Variants in NXPH3 observed in about 807,000 individuals in gnomAD.
NXPH3 encodes neurexophilin-3.
In NXPH3, 7 loss-of-function variants were observed where a neutral mutation model predicts 18.8. The ratio of observed to expected loss-of-function variants is 0.37; its 90% CI spans 0.21 to 0.70. The LOEUF is 0.70. NXPH3 is among the 30% of genes least tolerant of loss of function. The pLI, the probability that NXPH3 is intolerant of heterozygous loss-of-function variation, is 0.53. For missense variants in NXPH3, 282 were observed against 338.1 expected (o/e 0.83, Z 1.30); for synonymous variants, 101 against 137.3 (o/e 0.74, Z 1.85).
rs2071599615 is a variant in NXPH3 at position 49,581,421 on chromosome 17, C to A, written c.*2121C>A. The A allele has an allele frequency of 6.7e-6, 4 of 597,908 alleles. No individual in the cohort carries two copies. The South Asian group carries it at 8.0e-5, about 12-fold the overall frequency. 37.0% of individuals were successfully genotyped at this position (597,908 alleles called of 1,614,324 possible). ...GTAAGATGGGCTTGCCACCCCCCACCTTTCGCCCCTGCCCACCAGCGCTCC... is the reference window on the plus strand; with the variant it reads ...GTAAGATGGGCTTGCCACCCCCCACATTTCGCCCCTGCCCACCAGCGCTCC... On this transcript the variant is annotated 3_prime_UTR_variant, in exon 2 of 2. Coordinates refer to ENST00000328741, the MANE Select transcript of NXPH3 (RefSeq NM_007225.4).
Position 49,582,912 on chromosome 17 carries a change from A to G in NXPH3, c.*3612A>G, listed in dbSNP as rs1179853553. ...TGAAGCTTAAGGCAAAAGCAAATGA[A>G]TATCTAGGTCCCTTCCCCCCCTTCC... On this transcript the variant is annotated 3_prime_UTR_variant, in exon 2 of 2. Transcript: ENST00000328741. 2 of 152,324 alleles carry G rather than the reference A, an allele frequency of 1.3e-5. No homozygotes were observed. Among genetic ancestry groups the G allele is most frequent in the Admixed American group, 6.5e-5 (1 of 15,284 alleles). 9.4% of individuals were successfully genotyped at this position (152,324 alleles called of 1,614,324 possible).
chr17:49,578,566 C>A lies in NXPH3; in HGVS notation c.55-30C>A. 2 of 1,500,102 alleles carry A rather than the reference C, an allele frequency of 1.3e-6. No individual in the cohort carries two copies. Among genetic ancestry groups the A allele is most frequent in the Non-Finnish European group, 8.9e-7 (1 of 1,118,868 alleles). 92.9% of individuals were successfully genotyped at this position (1,500,102 alleles called of 1,614,324 possible). ...GGGTGGTGGACCTCCAGGGACAGGGCTCTCACTGTACTCACAACTCCCTCC... is the reference window on the plus strand; with the variant it reads ...GGGTGGTGGACCTCCAGGGACAGGGATCTCACTGTACTCACAACTCCCTCC... On this transcript the variant is annotated intron_variant, in intron 1 of 1. Coordinates refer to ENST00000328741, the MANE Select transcript of NXPH3 (RefSeq NM_007225.4). The surrounding 1 kb of genome is among the most constrained non-coding windows in gnomAD (Gnocchi z 4.5).
rs2071591129 is a variant in NXPH3, at chr17:49,579,834, TGTC to T, written c.*537_*539del. 6.3e-6 allele frequency: 1 copy of T among 157,816 alleles called. No homozygotes were observed. Among genetic ancestry groups the T allele is most frequent in the Non-Finnish European group, 1.4e-5 (1 of 71,346 alleles). The allele number at this position is 157,816 out of a possible 1,614,324, so 9.8% of individuals were successfully genotyped here. A position where few individuals can be genotyped will look rare whatever the true frequency, so the allele number is the denominator to read the frequency against. On this transcript the variant is annotated 3_prime_UTR_variant, in exon 2 of 2. Coordinates refer to ENST00000328741, the MANE Select transcript of NXPH3 (RefSeq NM_007225.4). The surrounding 1 kb of genome is among the most constrained non-coding windows in gnomAD (Gnocchi z 6.0). Reference sequence around the variant, plus strand: ...TGCCTAGTGGGCGCCCTCAGCCCCTTGTCGTGTGCTGAGCATGGCATGAGGCTG... The same window carrying T: ...TGCCTAGTGGGCGCCCTCAGCCCCTTGTGTGCTGAGCATGGCATGAGGCTG...
At chr17:49,576,559 C>T (rs1377832551) in intron 1 of NXPH3, among the ~76,000 whole-genome samples, 1 of 152,056 alleles carries the variant, frequency 6.6e-6, no homozygotes, top group Non-Finnish European at 1.5e-5. Flanking sequence ...GCCAGGGTTA[C>T]CCTACCCCTT....
intron 1 of NXPH3, 79 bp downstream of exon 1, chr17:49,576,352 T>A: frequency 6.8e-7 from 1 of 1,466,088 alleles, no homozygotes; most frequent in Non-Finnish European, 9.3e-7. Context: ...TTGCGAGCCC[T>A]GAAACTTTCT....
chr17:49,580,958 A>G lies in NXPH3; in HGVS notation c.*1658A>G, dbSNP rs1243566949. 1.3e-5 allele frequency: 2 copies of G among 153,026 alleles called. No individual in the cohort carries two copies. The highest frequency in any genetic ancestry group is 2.9e-5 in the Non-Finnish European group (2 of 68,670). 9.5% of individuals were successfully genotyped at this position (153,026 alleles called of 1,614,324 possible). ...TGCTGATGCTGCTGCTCCAGGGCCCATGCTGGGAGACCCACTCAAAGGACC... is the reference window on the plus strand; with the variant it reads ...TGCTGATGCTGCTGCTCCAGGGCCCGTGCTGGGAGACCCACTCAAAGGACC... On this transcript the variant is annotated 3_prime_UTR_variant, in exon 2 of 2. Coordinates refer to ENST00000328741, the MANE Select transcript of NXPH3 (RefSeq NM_007225.4).
At position 49,578,874 on chromosome 17, in the gene NXPH3, G is replaced by A. The variant is rs561646144; in HGVS notation, c.333G>A (p.Thr111=). 9.3e-6 allele frequency: 15 copies of A among 1,614,142 alleles called. No homozygotes were observed. The highest frequency in any genetic ancestry group is 2.7e-5 in the African/African-American group (2 of 75,042). The change falls in exon 2 of 2, where the codon ACG becomes ACA. Residue 111 remains threonine, a synonymous_variant. Transcript: ENST00000328741. The surrounding 1 kb of genome is among the most constrained non-coding windows in gnomAD (Gnocchi z 4.5). ...GWGDFYSNIK[T]VALNLLVTGK... ...GCGACTTCTACTCCAACATCAAGACGGTGGCCCTGAACCTGCTCGTCACAG... is the reference window on the plus strand; with the variant it reads ...GCGACTTCTACTCCAACATCAAGACAGTGGCCCTGAACCTGCTCGTCACAG...
At position 49,578,394 on chromosome 17, in the gene NXPH3, TGG is replaced by T. The variant is rs35525659; in HGVS notation, c.55-192_55-191del. On this transcript the variant is annotated intron_variant, in intron 1 of 1. Coordinates refer to ENST00000328741, the MANE Select transcript of NXPH3 (RefSeq NM_007225.4). The surrounding 1 kb of genome is among the most constrained non-coding windows in gnomAD (Gnocchi z 4.5). ...GGCCAAGACAGTGAGGAAAGGACAATGGGGGGGGGGGTGACCCAACTGTCAGA... is the reference window on the plus strand; with the variant it reads ...GGCCAAGACAGTGAGGAAAGGACAATGGGGGGGGGTGACCCAACTGTCAGA... 4.8e-3 allele frequency among the ~76,000 whole-genome samples: 659 copies of T among 136,490 alleles called. 2 individuals are homozygous for T. Among genetic ancestry groups the T allele is most frequent in the Non-Finnish European group, 6.4e-3 (392 of 61,524 alleles). The allele number at this position is 136,490 out of a possible 152,430, so 89.5% of individuals were successfully genotyped here. A position where few individuals can be genotyped will look rare whatever the true frequency, so the allele number is the denominator to read the frequency against.
In NXPH3 at chr17:49,581,335, G is replaced by C. The variant is rs2071599064; in HGVS notation, c.*2035G>C. On this transcript the variant is annotated 3_prime_UTR_variant, in exon 2 of 2. Coordinates refer to ENST00000328741, the MANE Select transcript of NXPH3 (RefSeq NM_007225.4). Reference sequence around the variant, plus strand: ...GAGGTCATTCTAAGTCGGCTCTCTTGGGAGGGCAGCACTCAGGGCCCTTTG... The same window carrying C: ...GAGGTCATTCTAAGTCGGCTCTCTTCGGAGGGCAGCACTCAGGGCCCTTTG... 1.9e-6 allele frequency: 1 copy of C among 524,640 alleles called. No individual in the cohort carries two copies. The highest frequency in any genetic ancestry group is 1.9e-5 in the African/African-American group (1 of 52,134). The allele number at this position is 524,640 out of a possible 1,614,324, so 32.5% of individuals were successfully genotyped here.
chr17:49,583,534 T>A lies in NXPH3; in HGVS notation c.*4234T>A, dbSNP rs1408705517. On this transcript the variant is annotated 3_prime_UTR_variant, in exon 2 of 2. Coordinates refer to ENST00000328741, the MANE Select transcript of NXPH3 (RefSeq NM_007225.4). ...CTGACCTGATAATTCAAGTGAAGGATGCCTAGTTCAAGGCCTCCCAGTTCC... is the reference window on the plus strand; with the variant it reads ...CTGACCTGATAATTCAAGTGAAGGAAGCCTAGTTCAAGGCCTCCCAGTTCC... 1 of 152,222 alleles carries A rather than the reference T, an allele frequency of 6.6e-6. No homozygotes were observed. 9.4% of individuals were successfully genotyped at this position (152,222 alleles called of 1,614,324 possible).
rs2071599935 is a variant in NXPH3 at position 49,581,461 on chromosome 17, C to T, written c.*2161C>T. On this transcript the variant is annotated 3_prime_UTR_variant, in exon 2 of 2. Transcript: ENST00000328741. ...ACCAGCGCTCCGCGCAAACTGGTCC[C>T]CTCATACTGCAGCGCAGAGTTGGGT... The T allele has an allele frequency of 1.6e-6, 1 of 613,016 alleles. No homozygotes were observed. The highest frequency in any genetic ancestry group is 1.8e-5 in the African/African-American group (1 of 54,364). The allele number at this position is 613,016 out of a possible 1,614,324, so 38.0% of individuals were successfully genotyped here.
At position 49,581,181 on chromosome 17, in the gene NXPH3, T is replaced by A. The variant is rs1009876398; in HGVS notation, c.*1881T>A. The A allele has an allele frequency of 1.8e-5, 4 of 217,700 alleles. No homozygotes were observed. In the Admixed American group the frequency reaches 2.1e-4, roughly 11 times the overall value. The allele number at this position is 217,700 out of a possible 1,614,324, so 13.5% of individuals were successfully genotyped here. A position where few individuals can be genotyped will look rare whatever the true frequency, so the allele number is the denominator to read the frequency against. On this transcript the variant is annotated 3_prime_UTR_variant, in exon 2 of 2. Coordinates refer to ENST00000328741, the MANE Select transcript of NXPH3 (RefSeq NM_007225.4). The stretch of plus-strand genomic sequence containing the variant: ...GGTGTGGACACAGGGCCTGCGTCAG[T>A]CACTCCCCTCCTGCAGCTAGTAAGA...
In NXPH3 at chr17:49,579,403, G is replaced by A; in HGVS notation, c.*103G>A. 1 of 1,037,880 alleles carries A rather than the reference G, an allele frequency of 9.6e-7. No individual in the cohort carries two copies. The highest frequency in any genetic ancestry group is 1.4e-6 in the Non-Finnish European group (1 of 720,434). The allele number at this position is 1,037,880 out of a possible 1,614,324, so 64.3% of individuals were successfully genotyped here. A position where few individuals can be genotyped will look rare whatever the true frequency, so the allele number is the denominator to read the frequency against. On this transcript the variant is annotated 3_prime_UTR_variant, in exon 2 of 2. Transcript: ENST00000328741. This position sits in a 1 kb window ranked among gnomAD's most constrained non-coding sequence, Gnocchi z 6.0. ...CAGGGAAGGGGTTGGGCCTCAGGCA[G>A]GGAGGGGGGTGGAGACGAGGAGATG...
Position 49,580,093 on chromosome 17 carries a change from C to G in NXPH3, c.*793C>G, listed in dbSNP as rs1470406764. ...TCCACCCCAACCCCTGCTGGCTCCT[C>G]TGGGAGCATCCATGTCCCGGAGAGG... On this transcript the variant is annotated 3_prime_UTR_variant, in exon 2 of 2. Transcript: ENST00000328741. The G allele has an allele frequency of 1.3e-5, 2 of 152,542 alleles. No individual in the cohort carries two copies. The highest frequency in any genetic ancestry group is 4.8e-5 in the African/African-American group (2 of 41,460). The allele number at this position is 152,542 out of a possible 1,614,324, so 9.4% of individuals were successfully genotyped here.
chr17:49,579,375 G>C lies in NXPH3; in HGVS notation c.*75G>C, dbSNP rs562517164. 7.7e-7 allele frequency: 1 copy of C among 1,302,902 alleles called. No homozygotes were observed. 80.7% of individuals were successfully genotyped at this position (1,302,902 alleles called of 1,614,324 possible). A position where few individuals can be genotyped will look rare whatever the true frequency, so the allele number is the denominator to read the frequency against. On this transcript the variant is annotated 3_prime_UTR_variant, in exon 2 of 2. Coordinates refer to ENST00000328741, the MANE Select transcript of NXPH3 (RefSeq NM_007225.4). The surrounding 1 kb of genome is among the most constrained non-coding windows in gnomAD (Gnocchi z 6.0). Reference sequence around the variant, plus strand: ...CCATGCAGGAGACCATCTGGACACCGGGCAGGGAAGGGGTTGGGCCTCAGG... The same window carrying C: ...CCATGCAGGAGACCATCTGGACACCCGGCAGGGAAGGGGTTGGGCCTCAGG...
Position 49,581,326 on chromosome 17 carries a change from G to A in NXPH3, c.*2026G>A, listed in dbSNP as rs760280402. The A allele has an allele frequency of 3.2e-5, 16 of 502,484 alleles. No individual in the cohort carries two copies. Among genetic ancestry groups the A allele is most frequent in the Non-Finnish European group, 5.2e-5 (15 of 286,552 alleles). The allele number at this position is 502,484 out of a possible 1,614,324, so 31.1% of individuals were successfully genotyped here. On this transcript the variant is annotated 3_prime_UTR_variant, in exon 2 of 2. Coordinates refer to ENST00000328741, the MANE Select transcript of NXPH3 (RefSeq NM_007225.4). Reference sequence around the variant, plus strand: ...TGCCTTCTGGAGGTCATTCTAAGTCGGCTCTCTTGGGAGGGCAGCACTCAG... The same window carrying A: ...TGCCTTCTGGAGGTCATTCTAAGTCAGCTCTCTTGGGAGGGCAGCACTCAG...
intron 1 of NXPH3, among the ~76,000 whole-genome samples, chr17:49,576,564 C>A (rs1333606359): frequency 1.3e-5 from 2 of 152,082 alleles, no homozygotes; most frequent in Non-Finnish European, 1.5e-5. Flanking sequence ...GGTTACCCTA[C>A]CCCTTCCCAG....
At position 49,575,906 on chromosome 17, in the gene NXPH3, A is replaced by T. The variant is rs1350351378; in HGVS notation, c.-314A>T. On this transcript the variant is annotated 5_prime_UTR_variant, in exon 1 of 2. Coordinates refer to ENST00000328741, the MANE Select transcript of NXPH3 (RefSeq NM_007225.4). The surrounding 1 kb of genome is among the most constrained non-coding windows in gnomAD (Gnocchi z 4.3). ...GGCGAGAGCGGCGCCGCTGGAGCCGAGGGGGGCGCCGAGCGCAGATCTGGA... is the reference window on the plus strand; with the variant it reads ...GGCGAGAGCGGCGCCGCTGGAGCCGTGGGGGGCGCCGAGCGCAGATCTGGA... 1.6e-5 allele frequency: 5 copies of T among 314,928 alleles called. No individual in the cohort carries two copies. Among genetic ancestry groups the T allele is most frequent in the Non-Finnish European group, 2.3e-5 (4 of 174,084 alleles). The allele number at this position is 314,928 out of a possible 1,614,324, so 19.5% of individuals were successfully genotyped here.
At position 49,578,129 on chromosome 17, in the gene NXPH3, T is replaced by C. The variant is rs1348536878; in HGVS notation, c.55-467T>C. 1.3e-5 allele frequency among the ~76,000 whole-genome samples: 2 copies of C among 152,070 alleles called. No individual in the cohort carries two copies. Among genetic ancestry groups the C allele is most frequent in the Non-Finnish European group, 2.9e-5 (2 of 67,986 alleles). On this transcript the variant is annotated intron_variant, in intron 1 of 1. Transcript: ENST00000328741. The surrounding 1 kb of genome is among the most constrained non-coding windows in gnomAD (Gnocchi z 4.5). ...ACTCGGGGCTGTTTCAGAGCAGAGA[T>C]TATGCCTCCCCCATCAGCCTGGGGA...
Sources: allele counts gnomAD v4.1 joint callset (sites outside exome capture counted in the v4.1 genomes callset), GRCh38; gene constraint gnomAD v4.1.1; non-coding constraint Gnocchi (gnomAD v3.1); transcripts MANE v1.5; gene names NCBI Gene and HGNC (gene_info 2026-07-23, HGNC 2026-07-21).